Variants in IGF1R observed in about 807,000 individuals in gnomAD.
IGF1R encodes the protein insulin-like growth factor 1 receptor.
IGF1R carries 44 observed loss-of-function variants against 144.6 expected under a neutral mutation model. The observed-to-expected ratio is 0.30, with a 90% CI of 0.24 to 0.39. IGF1R has a LOEUF of 0.39. Among genes scored for constraint, IGF1R ranks in the 10% least tolerant of loss-of-function variants. The probability of loss-of-function intolerance (pLI) is 1.00; values close to 1 mark genes in which losing one functional copy is unlikely to be tolerated. For missense variants in IGF1R, 1,355 were observed against 1,833.7 expected, an observed-to-expected ratio of 0.74 and a Z score of 4.77; for synonymous variants, 795 against 722.8, an observed-to-expected ratio of 1.10 and a Z score of -1.60.
chr15:98,894,444 T>A (rs1375382674), intron 3 of IGF1R, among the ~76,000 whole-genome samples: 1 of 152,196 alleles, frequency 6.6e-6, no homozygotes, highest in African/African-American at 2.4e-5. Context: ...GATAGTTAGT[T>A]AAACTGTGGG....
At chr15:98,916,254 T>C (rs1159763984) in intron 9 of IGF1R, 123 bp downstream of exon 9, 18 of 868,304 alleles carry the variant, frequency 2.1e-5, no homozygotes, top group Non-Finnish European at 3.0e-5. Context: ...AAACCAGCTA[T>C]CTTCTGGTTT....
At chr15:98,671,903 A>C (rs575911199) in intron 1 of IGF1R, among the ~76,000 whole-genome samples, 81 of 152,328 alleles carry the variant, frequency 5.3e-4, no homozygotes, top group African/African-American at 1.8e-3. Flanking sequence ...GGAATTCTTG[A>C]GATCTTTTTG....
At chr15:98,881,929 C>G (rs2013404654) in intron 2 of IGF1R, among the ~76,000 whole-genome samples, 1 of 152,182 alleles carries the variant, frequency 6.6e-6, no homozygotes, top group African/African-American at 2.4e-5. Context: ...GTCCTGTATT[C>G]AGAATCTCCA....
chr15:98,666,687 C>T (rs1420230098), intron 1 of IGF1R, among the ~76,000 whole-genome samples: 1 of 151,984 alleles, frequency 6.6e-6, no homozygotes, highest in Non-Finnish European at 1.5e-5. Context: ...GTAGAGTAGT[C>T]ACATTCATAG....
chr15:98,782,244 T>A (rs1353122131), intron 2 of IGF1R, among the ~76,000 whole-genome samples: 1 of 152,194 alleles, frequency 6.6e-6, no homozygotes, highest in Non-Finnish European at 1.5e-5. Context: ...AAAACCTGAA[T>A]ATGTCCATTT....
chr15:98,655,895 C>T (rs1012316799), intron 1 of IGF1R, among the ~76,000 whole-genome samples: 1 of 151,978 alleles, frequency 6.6e-6, no homozygotes, highest in African/African-American at 2.4e-5. Flanking sequence ...TTAGTACAGA[C>T]GAGGTTTTGC....
At chr15:98,652,391 AAGTT>A (rs1449121199) in intron 1 of IGF1R, among the ~76,000 whole-genome samples, 1 of 152,222 alleles carries the variant, frequency 6.6e-6, no homozygotes, top group Non-Finnish European at 1.5e-5. Context: ...GTGTTTAAAG[AAGTT>A]AGTGTTTTAT....
intron 2 of IGF1R, among the ~76,000 whole-genome samples, chr15:98,791,095 A>G (rs2056117687): frequency 6.6e-6 from 1 of 152,218 alleles, no homozygotes; most frequent in Non-Finnish European, 1.5e-5. Context: ...CAGATGATTC[A>G]GTGATGATGA....
chr15:98,757,936 G>A (rs768685174), intron 2 of IGF1R, among the ~76,000 whole-genome samples: 7 of 152,246 alleles, frequency 4.6e-5, no homozygotes, highest in Non-Finnish European at 1.0e-4. Flanking sequence ...CAAAGCTACC[G>A]GTGCCTAACA....
Position 98,957,202 on chromosome 15 carries a change from C to A in IGF1R, c.3864C>A (p.Pro1288=), listed in dbSNP as rs373500508. 1 of 1,614,200 alleles carries A rather than the reference C, an allele frequency of 6.2e-7. No individual in the cohort carries two copies. The highest frequency in any genetic ancestry group is 8.5e-7 in the Non-Finnish European group (1 of 1,180,020). Residue 1288 remains proline, a synonymous_variant, in exon 21 of 21, where the codon CCC becomes CCA. Transcript: ENST00000650285. The part of the protein sequence containing the change: ...SFYYSEENKL[P]EPEELDLEPE... ...ACTACAGCGAGGAGAACAAGCTGCC[C>A]GAGCCGGAGGAGCTGGACCTGGAGC... is the stretch of plus-strand genomic sequence containing the variant.
chr15:98,872,518 A>G (rs1367180410), intron 2 of IGF1R, among the ~76,000 whole-genome samples: 2 of 152,238 alleles, frequency 1.3e-5, no homozygotes, highest in Admixed American at 6.5e-5. Flanking sequence ...CAGTCTAGGG[A>G]TCAAATAATA....
intron 1 of IGF1R, among the ~76,000 whole-genome samples, chr15:98,679,061 C>T (rs1479041404): frequency 6.6e-6 from 1 of 151,804 alleles, no homozygotes; most frequent in Non-Finnish European, 1.5e-5. Context: ...AGCTGGGACC[C>T]ATACCTGGCT....
At chr15:98,903,620 C>G (rs1159960807) in intron 5 of IGF1R, among the ~76,000 whole-genome samples, 4 of 152,154 alleles carry the variant, frequency 2.6e-5, no homozygotes, top group Non-Finnish European at 5.9e-5. Flanking sequence ...CCCGGGATTC[C>G]CCCGACCCCC....
At chr15:98,863,169 A>G (rs1246169703) in intron 2 of IGF1R, among the ~76,000 whole-genome samples, 1 of 152,086 alleles carries the variant, frequency 6.6e-6, no homozygotes, top group Non-Finnish European at 1.5e-5. Context: ...TTTCTGTTAG[A>G]GTTTGTGGAT....
chr15:98,843,645 G>GA, intron 2 of IGF1R, among the ~76,000 whole-genome samples: 1 of 152,252 alleles, frequency 6.6e-6, no homozygotes, highest in South Asian at 2.1e-4. Flanking sequence ...GATCCATAGA[G>GA]AAAGCAACCC....
intron 1 of IGF1R, among the ~76,000 whole-genome samples, chr15:98,689,487 A>G (rs559051428): frequency 9.9e-5 from 15 of 151,996 alleles, no homozygotes; most frequent in African/African-American, 3.6e-4. Context: ...TTGGCCTCCC[A>G]AAGTGCTGGG....
chr15:98,897,091 A>C (rs2014237902), intron 4 of IGF1R, among the ~76,000 whole-genome samples, 186 bp downstream of exon 4: 1 of 152,200 alleles, frequency 6.6e-6, no homozygotes, highest in Non-Finnish European at 1.5e-5. Context: ...ATTGAAAGGC[A>C]ATCTGTCTTT....
intron 1 of IGF1R, among the ~76,000 whole-genome samples, chr15:98,661,649 C>G (rs112283450): frequency 0.023 from 3,519 of 152,250 alleles, 138 homozygotes; most frequent in African/African-American, 0.081. Flanking sequence ...GAAGCCTTGT[C>G]CCCTCAAACA....
intron 1 of IGF1R, among the ~76,000 whole-genome samples, chr15:98,702,614 C>A (rs2053762933): frequency 6.6e-6 from 1 of 152,172 alleles, no homozygotes; most frequent in Admixed American, 6.5e-5. Context: ...AGGCATGAAC[C>A]ACTGTGCCTG....
Sources: allele counts gnomAD v4.1 joint callset (sites outside exome capture counted in the v4.1 genomes callset), GRCh38; gene constraint gnomAD v4.1.1; transcripts MANE v1.5; gene names NCBI Gene and HGNC (gene_info 2026-07-23, HGNC 2026-07-21).